ANKS1B: variants seen among roughly 807,000 people sequenced by gnomAD.
ANKS1B encodes ankyrin repeat and sterile alpha motif domain containing 1B.
In ANKS1B, 36 loss-of-function variants were observed where a neutral mutation model predicts 148.3. That is an observed-to-expected ratio of 0.24 (90% CI 0.19 to 0.32). ANKS1B has a LOEUF of 0.32. ANKS1B is among the 10% of genes least tolerant of loss of function. The pLI, the probability that ANKS1B is intolerant of heterozygous loss-of-function variation, is 1.00. For missense variants in ANKS1B, 1,157 were observed against 1,542.6 expected, an observed-to-expected ratio of 0.75 and a Z score of 4.19; for synonymous variants, 542 against 560.8, an observed-to-expected ratio of 0.97 and a Z score of 0.47.
At chr12:99,750,912 T>C (rs902606770) in intron 8 of ANKS1B, among the ~76,000 whole-genome samples, 1 of 152,048 alleles carries the variant, frequency 6.6e-6, no homozygotes, top group Non-Finnish European at 1.5e-5. Context: ...ATAATTTTTA[T>C]TTTTTAAAAT....
At chr12:99,512,374 G>A (rs1262765427) in intron 9 of ANKS1B, among the ~76,000 whole-genome samples, 1 of 151,888 alleles carries the variant, frequency 6.6e-6, no homozygotes, top group Non-Finnish European at 1.5e-5. Context: ...CAGTCAGAAT[G>A]ATGATTATTA....
chr12:98,848,613 C>T (rs944218611), intron 17 of ANKS1B, among the ~76,000 whole-genome samples: 1 of 150,092 alleles, frequency 6.7e-6, no homozygotes, highest in Non-Finnish European at 1.5e-5. Context: ...GGCTGGAGTA[C>T]AGTGGCATGA....
chr12:99,718,213 T>A (rs2057656642), intron 8 of ANKS1B, among the ~76,000 whole-genome samples: 1 of 152,130 alleles, frequency 6.6e-6, no homozygotes, highest in Non-Finnish European at 1.5e-5. Flanking sequence ...AATACTCTTT[T>A]AAGCACTCCT....
intron 17 of ANKS1B, among the ~76,000 whole-genome samples, chr12:98,907,495 G>C (rs1268312097): frequency 2.0e-5 from 3 of 152,176 alleles, no homozygotes; most frequent in Non-Finnish European, 4.4e-5. Flanking sequence ...GCTGCAATCA[G>C]GTGGCACTGG....
intron 8 of ANKS1B, among the ~76,000 whole-genome samples, chr12:99,751,877 G>C (rs2061141881): frequency 6.6e-6 from 1 of 152,082 alleles, no homozygotes; most frequent in South Asian, 2.1e-4. Context: ...AATGAGCTAA[G>C]ATTAGAAGTA....
intron 9 of ANKS1B, among the ~76,000 whole-genome samples, chr12:99,618,674 T>A (rs1422970236): frequency 6.6e-6 from 1 of 151,968 alleles, no homozygotes; most frequent in African/African-American, 2.4e-5. Context: ...ACTTTGTTTC[T>A]CCCAAGCCTT....
intron 5 of ANKS1B, among the ~76,000 whole-genome samples, chr12:99,781,710 C>T (rs1000682021): frequency 2.0e-5 from 3 of 152,152 alleles, no homozygotes; most frequent in Non-Finnish European, 4.4e-5. Context: ...AGGATCAATT[C>T]CTCTCTCTTA....
chr12:98,783,087 C>T (rs895491308), intron 22 of ANKS1B, among the ~76,000 whole-genome samples: 18 of 152,244 alleles, frequency 1.2e-4, no homozygotes, highest in African/African-American at 4.3e-4. Context: ...CGGTAAATCA[C>T]CTCACTTATC....
intron 14 of ANKS1B, among the ~76,000 whole-genome samples, chr12:99,230,758 C>G (rs2086707830): frequency 6.6e-6 from 1 of 152,092 alleles, no homozygotes; most frequent in African/African-American, 2.4e-5. Flanking sequence ...TTAGTTAGCA[C>G]ATGCTAGCCT....
chr12:99,028,501 T>A (rs2153455598), intron 17 of ANKS1B, among the ~76,000 whole-genome samples: 1 of 152,350 alleles, frequency 6.6e-6, no homozygotes, highest in East Asian at 1.9e-4. Context: ...CTGAGACATC[T>A]TCTGGGCTTT....
chr12:99,501,668 T>C (rs2096657316), intron 10 of ANKS1B, among the ~76,000 whole-genome samples: 1 of 152,122 alleles, frequency 6.6e-6, no homozygotes, highest in South Asian at 2.1e-4. Context: ...GGATTTCCTA[T>C]TACAGTCCCT....
intron 10 of ANKS1B, among the ~76,000 whole-genome samples, chr12:99,501,206 C>A (rs1267082442): frequency 6.6e-6 from 1 of 152,058 alleles, no homozygotes; most frequent in East Asian, 1.9e-4. Context: ...TCTACATCTA[C>A]TAATTCCAGT....
chr12:99,686,990 G>C (rs2098653282), intron 8 of ANKS1B, among the ~76,000 whole-genome samples: 1 of 152,052 alleles, frequency 6.6e-6, no homozygotes, highest in Non-Finnish European at 1.5e-5. Context: ...CCTTTTGCCT[G>C]GATAACTTCC....
At chr12:99,960,678 C>T (rs757824856) in intron 1 of ANKS1B, among the ~76,000 whole-genome samples, 7 of 152,076 alleles carry the variant, frequency 4.6e-5, no homozygotes, top group Non-Finnish European at 8.8e-5. Flanking sequence ...GTGTTGGCGG[C>T]CCTTAGTCAA....
chr12:99,102,914 T>C (rs1261393426), intron 15 of ANKS1B, among the ~76,000 whole-genome samples: 3 of 151,720 alleles, frequency 2.0e-5, no homozygotes, highest in Admixed American at 6.6e-5. Flanking sequence ...AGGCGACCGA[T>C]AGATATGTGT....
intron 12 of ANKS1B, among the ~76,000 whole-genome samples, chr12:99,263,680 C>A (rs1252441365): frequency 6.6e-6 from 1 of 152,080 alleles, no homozygotes; most frequent in Admixed American, 6.6e-5. Flanking sequence ...GTTCTCATGA[C>A]AGTGAGTGAG....
At chr12:99,398,131 G>T (rs1388800795) in intron 12 of ANKS1B, among the ~76,000 whole-genome samples, 1 of 152,090 alleles carries the variant, frequency 6.6e-6, no homozygotes, top group East Asian at 1.9e-4. Context: ...TTTAAGCATG[G>T]TAATGACATG....
chr12:98,867,834 C>A (rs1266312133), intron 17 of ANKS1B, among the ~76,000 whole-genome samples: 1 of 151,506 alleles, frequency 6.6e-6, no homozygotes, highest in Non-Finnish European at 1.5e-5. Flanking sequence ...TACGCTCCAG[C>A]CTGGCAACAG....
chr12:99,231,771 A>C (rs571014383), intron 14 of ANKS1B, among the ~76,000 whole-genome samples: 2 of 152,274 alleles, frequency 1.3e-5, no homozygotes, highest in East Asian at 3.9e-4. Context: ...ATAAGCAAAC[A>C]TGAGGGGCTT....
Sources: gnomAD v4.1 joint callset for allele counts (sites outside exome capture counted in the v4.1 genomes callset) on GRCh38, gnomAD v4.1.1 for gene constraint, MANE v1.5 for transcripts, NCBI Gene and HGNC (gene_info 2026-07-23, HGNC 2026-07-21) for gene names.